Variants in ZNF678 observed in about 807,000 individuals in gnomAD.
ZNF678 encodes the protein zinc finger protein 678, also known as hypothetical protein MGC42493.
ZNF678 carries 5 observed loss-of-function variants against 3.0 expected under a neutral mutation model. The observed-to-expected ratio is 1.69, with a 90% CI of 0.88 to 3.56. ZNF678 has a LOEUF of 3.56. Ranked by LOEUF, ZNF678 falls within the 30% of genes most tolerant of loss-of-function variation. The probability of loss-of-function intolerance (pLI) is 0.00; values close to 1 mark genes in which losing one functional copy is unlikely to be tolerated. For synonymous variants in ZNF678, 218 were observed against 199.6 expected, an observed-to-expected ratio of 1.09 and a Z score of -0.78; for missense variants, 593 against 605.0, an observed-to-expected ratio of 0.98 and a Z score of 0.21.
At position 227,654,846 on chromosome 1, in the gene ZNF678, A is replaced by G. The variant is rs372060877; in HGVS notation, c.596A>G (p.His199Arg). ...VFNWWSQLTSHKKIHSGEKPY... is the reference protein window; with the variant it reads ...VFNWWSQLTSRKKIHSGEKPY... ...AATTGGTGGTCACAACTAACTAGCC[A>G]TAAGAAAATTCATAGTGGAGAGAAA... The change falls in exon 4 of 4, where the codon CAT (histidine) becomes CGT (arginine). Residue 199 changes from histidine to arginine, a missense_variant. Physicochemically the swap from His to Arg is conservative, Grantham distance 29. Coordinates refer to ENST00000343776, the MANE Select transcript of ZNF678 (RefSeq NM_001367909.1). 113 of 1,608,860 alleles carry G rather than the reference A, an allele frequency of 7.0e-5. 2 individuals carry two copies. The Middle Eastern group carries it at 2.3e-3, about 33-fold the overall frequency.
chr1:227,614,088 T>C (rs1383651374), intron 1 of ZNF678, among the ~76,000 whole-genome samples: 3 of 152,192 alleles, frequency 2.0e-5, no homozygotes, highest in African/African-American at 4.8e-5. Flanking sequence ...ATGTTCCTCA[T>C]GTAGAGGCCA....
intron 1 of ZNF678, among the ~76,000 whole-genome samples, chr1:227,594,847 C>G (rs529925083): frequency 8.5e-5 from 13 of 152,306 alleles, no homozygotes; most frequent in Admixed American, 7.8e-4. Flanking sequence ...TTCCGCCCCC[C>G]CCTTTTTTCC....
chr1:227,635,696 T>G (rs1658660920), intron 1 of ZNF678, among the ~76,000 whole-genome samples: 2 of 152,122 alleles, frequency 1.3e-5, no homozygotes, highest in Non-Finnish European at 2.9e-5. Context: ...CTGATGTAAC[T>G]GCTACATTGT....
Position 227,654,881 on chromosome 1 carries a change from T to C in ZNF678, c.631T>C (p.Cys211Arg), listed in dbSNP as rs1436785759. The C allele has an allele frequency of 3.1e-6, 5 of 1,608,726 alleles. No individual in the cohort carries two copies. Among genetic ancestry groups the C allele is most frequent in the East Asian group, 2.3e-5 (1 of 43,098 alleles). The part of the protein sequence containing the change: ...KIHSGEKPYP[C>R]EECGKAFTQF... ...TCATAGTGGAGAGAAACCATACCCA[T>C]GTGAAGAATGTGGCAAAGCCTTTAC... Residue 211 changes from cysteine to arginine, a missense_variant, in exon 4 of 4, where the codon TGT (cysteine) becomes CGT (arginine). Physicochemically the swap from Cys to Arg is radical, Grantham distance 180. Coordinates refer to ENST00000343776, the MANE Select transcript of ZNF678 (RefSeq NM_001367909.1).
At position 227,655,070 on chromosome 1, in the gene ZNF678, T is replaced by C; in HGVS notation, c.820T>C (p.Phe274Leu). The C allele has an allele frequency of 6.2e-7, 1 of 1,612,212 alleles. No individual in the cohort carries two copies. The highest frequency in any genetic ancestry group is 8.5e-7 in the Non-Finnish European group (1 of 1,179,288). ...PYKCEECGNV[F>L]NECSHLTRHR... ...CAAGTGTGAAGAATGTGGCAACGTT[T>C]TTAATGAGTGCTCACACCTAACTAG... The change falls in exon 4 of 4, where the codon TTT becomes CTT. Residue 274 changes from phenylalanine (F) to leucine (L), a missense_variant. By Grantham distance (22) the Phe-to-Leu change is conservative. Transcript: ENST00000343776.
intron 1 of ZNF678, among the ~76,000 whole-genome samples, chr1:227,592,771 T>C (rs1365890460): frequency 6.6e-6 from 1 of 152,242 alleles, no homozygotes; most frequent in East Asian, 1.9e-4. Flanking sequence ...TGCTTTACGA[T>C]GTCTTATTTC....
intron 1 of ZNF678, among the ~76,000 whole-genome samples, chr1:227,593,361 C>A (rs1325278153): frequency 6.6e-6 from 1 of 152,196 alleles, no homozygotes; most frequent in Non-Finnish European, 1.5e-5. Flanking sequence ...ACTTCGATGA[C>A]CCTCTAGTAA....
At chr1:227,669,476 AAT>A (rs143744045) in intron 5 of ZNF678, among the ~76,000 whole-genome samples, 6 of 151,158 alleles carry the variant, frequency 4.0e-5, no homozygotes, top group Non-Finnish European at 8.8e-5. Context: ...CTCTACTAAA[AAT>A]ATATATATAT....
At chr1:227,568,183 G>A (rs889073938) in intron 1 of ZNF678, among the ~76,000 whole-genome samples, 1 of 152,102 alleles carries the variant, frequency 6.6e-6, no homozygotes, top group African/African-American at 2.4e-5. Flanking sequence ...AAGCTTGTGG[G>A]AGTTATTTAT....
chr1:227,643,394 G>T (rs1658869738), intron 1 of ZNF678, among the ~76,000 whole-genome samples: 1 of 152,148 alleles, frequency 6.6e-6, no homozygotes, highest in East Asian at 1.9e-4. Context: ...GGCAGCCTTA[G>T]GAAAGACGTA....
At chr1:227,628,200 C>T (rs114901135) in intron 1 of ZNF678, among the ~76,000 whole-genome samples, 2,145 of 152,308 alleles carry the variant, frequency 0.014, 53 homozygotes, top group African/African-American at 0.048. Context: ...ATGAGTCCAA[C>T]CCTTTGCCAC....
chr1:227,629,622 G>T lies in ZNF678; in HGVS notation c.-163-16922G>T, dbSNP rs367835837. On this transcript the variant is annotated intron_variant, in intron 1 of 3. Transcript: ENST00000343776. ...TAACCTCCAGGCCTTCAATGGTTAA[G>T]CATACCTGGGGCTCTGTGAGGGTGA... Among the ~76,000 whole-genome samples the T allele has an allele frequency of 5.9e-5, 9 of 152,324 alleles. No individual in the cohort carries two copies. The South Asian group carries it at 1.9e-3, about 32-fold the overall frequency.
intron 1 of ZNF678, among the ~76,000 whole-genome samples, chr1:227,619,104 T>C (rs1460812296): frequency 1.3e-5 from 2 of 152,078 alleles, no homozygotes; most frequent in Non-Finnish European, 2.9e-5. Context: ...GATTTAATTA[T>C]CCCCACCAGA....
At chr1:227,629,711 C>T (rs1476349164) in intron 1 of ZNF678, among the ~76,000 whole-genome samples, 1 of 152,248 alleles carries the variant, frequency 6.6e-6, no homozygotes, top group Non-Finnish European at 1.5e-5. Context: ...TGGTTAGTGG[C>T]TTCTGACTCA....
chr1:227,635,004 C>T (rs1157030560), intron 1 of ZNF678, among the ~76,000 whole-genome samples: 2 of 151,472 alleles, frequency 1.3e-5, no homozygotes, highest in East Asian at 1.9e-4. Context: ...CCTCCAGCTC[C>T]AGGCAGCTCA....
chr1:227,586,451 TA>T (rs1657266501), intron 1 of ZNF678, among the ~76,000 whole-genome samples: 1 of 152,140 alleles, frequency 6.6e-6, no homozygotes, highest in Non-Finnish European at 1.5e-5. Context: ...ATAGGGATTT[TA>T]AAAAAGTCAA....
chr1:227,611,348 C>T (rs1215949303), intron 1 of ZNF678, among the ~76,000 whole-genome samples: 3 of 152,204 alleles, frequency 2.0e-5, no homozygotes, highest in Non-Finnish European at 4.4e-5. Context: ...GACCTGCCAT[C>T]TCCATCAATT....
At chr1:227,601,835 T>TC (rs1657747279) in intron 1 of ZNF678, among the ~76,000 whole-genome samples, 1 of 152,234 alleles carries the variant, frequency 6.6e-6, no homozygotes, top group Non-Finnish European at 1.5e-5. Flanking sequence ...AGTGCTGGGA[T>TC]TACAGGTGTG....
Position 227,626,180 on chromosome 1 carries a change from C to T in ZNF678, c.-163-20364C>T, listed in dbSNP as rs115988354. ...AAAATATGACAAGGGAGGGCCATGG[C>T]GATCTACGATTGTAGTTACTTTCCT... is the stretch of plus-strand genomic sequence containing the variant. On this transcript the variant is annotated intron_variant, in intron 1 of 3. Coordinates refer to ENST00000343776, the MANE Select transcript of ZNF678 (RefSeq NM_001367909.1). Among the ~76,000 whole-genome samples the T allele has an allele frequency of 3.7e-3, 556 of 152,112 alleles. 6 individuals are homozygous for T. Among genetic ancestry groups the T allele is most frequent in the African/African-American group, 0.013 (527 of 41,472 alleles).
Sources: gnomAD v4.1 joint callset for allele counts (sites outside exome capture counted in the v4.1 genomes callset) on GRCh38, gnomAD v4.1.1 for gene constraint, MANE v1.5 for transcripts, NCBI Gene and HGNC (gene_info 2026-07-23, HGNC 2026-07-21) for gene names.